Variants in SRGAP1 observed in about 807,000 individuals in gnomAD.
The protein encoded by SRGAP1 is SLIT-ROBO Rho GTPase activating protein 1.
SRGAP1 carries 43 observed loss-of-function variants against 121.9 expected under a neutral mutation model. The ratio of observed to expected loss-of-function variants is 0.35; its 90% CI spans 0.28 to 0.46. The LOEUF is 0.46. Ranked by LOEUF, SRGAP1 falls within the 20% of genes least tolerant of loss-of-function variation. The pLI is 1.00. For missense variants in SRGAP1, 1,102 were observed against 1,350.9 expected (o/e 0.82, Z 2.89); for synonymous variants, 447 against 485.4 (o/e 0.92, Z 1.04).
At chr12:64,045,261 G>T (rs1026478082) in intron 6 of SRGAP1, among the ~76,000 whole-genome samples, 1 of 151,870 alleles carries the variant, frequency 6.6e-6, no homozygotes, top group Non-Finnish European at 1.5e-5. Flanking sequence ...CTAAATAAAA[G>T]ATTTTATTTT....
At chr12:64,035,332 GC>G (rs869095193) in intron 4 of SRGAP1, among the ~76,000 whole-genome samples, 3 of 104,808 alleles carry the variant, frequency 2.9e-5, no homozygotes, top group African/African-American at 3.0e-5. Context: ...TCCAGCAACT[GC>G]CCCTCTCCCA....
At chr12:63,965,770 C>T (rs904924211) in intron 1 of SRGAP1, among the ~76,000 whole-genome samples, 9 of 152,286 alleles carry the variant, frequency 5.9e-5, no homozygotes, top group Admixed American at 4.6e-4. Context: ...CAATTTTCTA[C>T]AATAAGCATG....
At chr12:64,076,566 A>T (rs2035741759) in intron 8 of SRGAP1, among the ~76,000 whole-genome samples, 1 of 152,206 alleles carries the variant, frequency 6.6e-6, no homozygotes, top group African/African-American at 2.4e-5. Context: ...AAAACAAAAG[A>T]TAATAAAATA....
At chr12:64,090,459 C>G (rs1328093840) in intron 11 of SRGAP1, among the ~76,000 whole-genome samples, 1 of 152,188 alleles carries the variant, frequency 6.6e-6, no homozygotes, top group Admixed American at 6.5e-5. Context: ...TTATTTTTCT[C>G]ACTTGTGACC....
intron 1 of SRGAP1, among the ~76,000 whole-genome samples, chr12:63,934,493 G>A (rs187200418): frequency 7.9e-5 from 12 of 152,244 alleles, no homozygotes; most frequent in African/African-American, 2.6e-4. Flanking sequence ...CTCTGAACTC[G>A]TAGAACTCTT....
At chr12:63,847,491 C>T (rs1162206996) in intron 1 of SRGAP1, among the ~76,000 whole-genome samples, 1 of 152,016 alleles carries the variant, frequency 6.6e-6, no homozygotes, top group Non-Finnish European at 1.5e-5. Context: ...CGGTGGCTCA[C>T]GCCTGTAATC....
chr12:63,955,100 T>C (rs2032423318), intron 1 of SRGAP1, among the ~76,000 whole-genome samples: 2 of 152,102 alleles, frequency 1.3e-5, no homozygotes, highest in African/African-American at 4.8e-5. Flanking sequence ...GGCGGATCAC[T>C]TGAGGTCAGG....
At chr12:64,127,212 C>T (rs966933784) in intron 19 of SRGAP1, among the ~76,000 whole-genome samples, 3 of 152,102 alleles carry the variant, frequency 2.0e-5, no homozygotes, top group Non-Finnish European at 2.9e-5. Context: ...GTATCCTCGC[C>T]GTTAAGCAAC....
chr12:64,077,480 ATATTC>A (rs895627349), intron 8 of SRGAP1, among the ~76,000 whole-genome samples: 5 of 148,864 alleles, frequency 3.4e-5, no homozygotes, highest in Admixed American at 2.0e-4. Context: ...ATATTTATAT[ATATTC>A]TATTATAATA....
At chr12:63,958,162 G>T (rs954828883) in intron 1 of SRGAP1, among the ~76,000 whole-genome samples, 2 of 152,210 alleles carry the variant, frequency 1.3e-5, no homozygotes, top group Non-Finnish European at 2.9e-5. Context: ...GAACATGCTT[G>T]ATAGGGAATA....
chr12:64,034,459 C>A (rs2136492371), intron 4 of SRGAP1, among the ~76,000 whole-genome samples: 1 of 152,256 alleles, frequency 6.6e-6, no homozygotes, highest in African/African-American at 2.4e-5. Context: ...AGTGCAAAAG[C>A]AGAGTAGTAT....
At position 64,156,815 on chromosome 12, in the gene SRGAP1, G is replaced by A. The variant is rs2037167524; in HGVS notation, c.*14143G>A. ...GCTGCATCACTGCAGTTTAATAGGA[G>A]GAGGCTGGTGAAAATGTTACCAACT... is the stretch of plus-strand genomic sequence containing the variant. On this transcript the variant is annotated 3_prime_UTR_variant, in exon 22 of 22. Coordinates refer to ENST00000355086, the MANE Select transcript of SRGAP1 (RefSeq NM_020762.4). The A allele has an allele frequency of 1.3e-5, 2 of 152,152 alleles. No homozygotes were observed. Among genetic ancestry groups the A allele is most frequent in the South Asian group, 4.2e-4 (2 of 4,812 alleles). The allele number at this position is 152,152 out of a possible 1,614,324, so 9.4% of individuals were successfully genotyped here.
intron 1 of SRGAP1, among the ~76,000 whole-genome samples, chr12:63,877,227 A>T (rs1240108892): frequency 6.6e-6 from 1 of 152,214 alleles, no homozygotes; most frequent in Non-Finnish European, 1.5e-5. Flanking sequence ...TCCATCTCAA[A>T]AAAAGAAAGA....
At chr12:64,108,356 T>C (rs531330065) in intron 15 of SRGAP1, among the ~76,000 whole-genome samples, 2 of 152,142 alleles carry the variant, frequency 1.3e-5, no homozygotes, top group Non-Finnish European at 2.9e-5. Context: ...ACATGCATCA[T>C]ATGAAGGCAG....
chr12:63,930,936 C>A (rs2031455846), intron 1 of SRGAP1, among the ~76,000 whole-genome samples: 1 of 152,034 alleles, frequency 6.6e-6, no homozygotes, highest in Admixed American at 6.6e-5. Context: ...TCCTTGCATG[C>A]CTCTTACTGA....
intron 13 of SRGAP1, 38 bp from the exon 14 acceptor site, chr12:64,095,089 A>T: frequency 1.9e-6 from 3 of 1,609,918 alleles, no homozygotes; most frequent in Non-Finnish European, 2.6e-6. Flanking sequence ...AGACAATGTG[A>T]TGGGGGTTTT....
At chr12:64,127,225 G>C (rs574447167) in intron 19 of SRGAP1, among the ~76,000 whole-genome samples, 8 of 152,254 alleles carry the variant, frequency 5.3e-5, no homozygotes, top group African/African-American at 1.4e-4. Context: ...TAAGCAACAC[G>C]TGACTGTAGT....
chr12:63,852,751 CT>C (rs1430281080), intron 1 of SRGAP1, among the ~76,000 whole-genome samples: 2 of 152,154 alleles, frequency 1.3e-5, no homozygotes, highest in Admixed American at 1.3e-4. Flanking sequence ...CTGCCTTAAT[CT>C]CATAGTCTTG....
At chr12:63,969,158 C>T (rs987396471) in intron 1 of SRGAP1, among the ~76,000 whole-genome samples, 25 of 152,112 alleles carry the variant, frequency 1.6e-4, no homozygotes, top group African/African-American at 6.0e-4. Context: ...AGAGTAGTTG[C>T]ATTTAAAACC....
Sources: gnomAD v4.1 joint callset for allele counts (sites outside exome capture counted in the v4.1 genomes callset) on GRCh38, gnomAD v4.1.1 for gene constraint, MANE v1.5 for transcripts, NCBI Gene and HGNC (gene_info 2026-07-23, HGNC 2026-07-21) for gene names.